REDIC1: variants seen among roughly 807,000 people sequenced by gnomAD.
REDIC1 encodes the protein regulator of DNA class I crossover intermediates 1.
chr12:39,703,176 T>A, the REDIC1 span, among the ~76,000 whole-genome samples: 4 of 152,164 alleles, frequency 2.6e-5, no homozygotes, highest in African/African-American at 9.7e-5. Flanking sequence ...ACTGCATATA[T>A]AGACAACCCC....
the REDIC1 span, among the ~76,000 whole-genome samples, chr12:39,652,282 T>C: frequency 2.0e-5 from 3 of 152,124 alleles, no homozygotes; most frequent in Non-Finnish European, 4.4e-5. Context: ...GATCATTTGT[T>C]AGGTGTATGT....
At chr12:39,839,388 G>A in the REDIC1 span, among the ~76,000 whole-genome samples, 9 of 152,078 alleles carry the variant, frequency 5.9e-5, no homozygotes, top group Non-Finnish European at 8.8e-5. Context: ...AGACACGTGA[G>A]TAAATAGTTG....
chr12:39,746,858 T>A, the REDIC1 span, among the ~76,000 whole-genome samples: 1 of 152,350 alleles, frequency 6.6e-6, no homozygotes, highest in South Asian at 2.1e-4. Flanking sequence ...GACCTGCAGC[T>A]GAGGGTCCTG....
At chr12:39,747,151 C>A in the REDIC1 span, among the ~76,000 whole-genome samples, 1 of 152,130 alleles carries the variant, frequency 6.6e-6, no homozygotes, top group Non-Finnish European at 1.5e-5. Flanking sequence ...AAGTTCAAAC[C>A]CATCACAAAT....
At chr12:39,708,054 A>G in the REDIC1 span, among the ~76,000 whole-genome samples, 1 of 151,836 alleles carries the variant, frequency 6.6e-6, no homozygotes, top group Non-Finnish European at 1.5e-5. Flanking sequence ...GTTAATGGAT[A>G]CAAAAAATTC....
At chr12:39,763,804 C>A in the REDIC1 span, among the ~76,000 whole-genome samples, 1 of 152,084 alleles carries the variant, frequency 6.6e-6, no homozygotes, top group South Asian at 2.1e-4. Context: ...AAAGCAAAGT[C>A]TTTTCCTGAC....
At chr12:39,700,015 T>A in the REDIC1 span, among the ~76,000 whole-genome samples, 1 of 151,826 alleles carries the variant, frequency 6.6e-6, no homozygotes, top group Non-Finnish European at 1.5e-5. Context: ...AACTGGAAAC[T>A]CTAAAAAGCA....
At chr12:39,895,965 C>T in the REDIC1 span, among the ~76,000 whole-genome samples, 2 of 133,888 alleles carry the variant, frequency 1.5e-5, no homozygotes, top group African/African-American at 5.8e-5. Flanking sequence ...TGTATATATA[C>T]ATGTGTATAT....
At chr12:39,717,030 G>A in the REDIC1 span, among the ~76,000 whole-genome samples, 2 of 151,560 alleles carry the variant, frequency 1.3e-5, no homozygotes, top group East Asian at 1.9e-4. Context: ...AAATAAAAAT[G>A]TCCATGAGTA....
At chr12:39,830,406 C>T in the REDIC1 span, 1 of 1,329,356 alleles carries the variant, frequency 7.5e-7, no homozygotes, top group Non-Finnish European at 9.6e-7. Context: ...TGGCTGGTCT[C>T]TTCGATTTCT....
the REDIC1 span, among the ~76,000 whole-genome samples, chr12:39,716,601 C>A: frequency 1.3e-5 from 2 of 151,926 alleles, no homozygotes; most frequent in Non-Finnish European, 2.9e-5. Context: ...TGTAAGGTGC[C>A]AAGTATCCAC....
the REDIC1 span, among the ~76,000 whole-genome samples, chr12:39,770,271 G>A: frequency 6.6e-6 from 1 of 151,986 alleles, no homozygotes; most frequent in Non-Finnish European, 1.5e-5. Context: ...TCCACTGATG[G>A]AATTTAGGTA....
the REDIC1 span, among the ~76,000 whole-genome samples, chr12:39,699,420 T>A: frequency 1.8e-3 from 279 of 152,252 alleles, no homozygotes; most frequent in African/African-American, 6.0e-3. Flanking sequence ...CACCAGGAGA[T>A]TATATCCCGC....
At chr12:39,826,854 A>ATTTTTTTTTTTTTTTTTTTTTT in the REDIC1 span, among the ~76,000 whole-genome samples, 5 of 67,392 alleles carry the variant, frequency 7.4e-5, no homozygotes, top group Admixed American at 2.3e-4. Context: ...GTCTCTTTCA[A>ATTTTTTTTTTTTTTTTTTTTTT]TTTTTTTTTT....
the REDIC1 span, among the ~76,000 whole-genome samples, chr12:39,723,252 A>G: frequency 2.6e-5 from 4 of 152,150 alleles, no homozygotes; most frequent in Non-Finnish European, 5.9e-5. Flanking sequence ...AACTGTGAAT[A>G]TAATATCTTT....
chr12:39,851,237 T>C, the REDIC1 span, among the ~76,000 whole-genome samples: 1 of 152,166 alleles, frequency 6.6e-6, no homozygotes, highest in South Asian at 2.1e-4. Context: ...TCAGTTAAAA[T>C]AAATATTTCA....
chr12:39,790,215 TC>T, the REDIC1 span, among the ~76,000 whole-genome samples: 113,887 of 144,214 alleles, frequency 0.79, 44,934 homozygotes, highest in East Asian at 0.86. Flanking sequence ...GTTTTTTTTT[TC>T]TTCTTCTTCT....
At chr12:39,688,829 G>A in the REDIC1 span, among the ~76,000 whole-genome samples, 4 of 152,164 alleles carry the variant, frequency 2.6e-5, no homozygotes, top group African/African-American at 9.7e-5. Flanking sequence ...AAGGGAGAAG[G>A]AAGAAATTGA....
the REDIC1 span, among the ~76,000 whole-genome samples, chr12:39,813,024 T>TTTTTTTTTTTTTTTA: frequency 7.4e-6 from 1 of 134,902 alleles, no homozygotes; most frequent in East Asian, 2.2e-4. Flanking sequence ...TTTTTTTTTT[T>TTTTTTTTTTTTTTTA]AGTAGAGATG....
Sources: gnomAD v4.1 joint callset for allele counts (sites outside exome capture counted in the v4.1 genomes callset) on GRCh38, gnomAD v4.1.1 for gene constraint, MANE v1.5 for transcripts, NCBI Gene and HGNC (gene_info 2026-07-23, HGNC 2026-07-21) for gene names.